NCKAP5: variants seen among roughly 807,000 people sequenced by gnomAD.
NCKAP5 encodes NCK associated protein 5.
Under a neutral mutation model 167.0 loss-of-function variants are expected in NCKAP5, and 92 were observed. The observed-to-expected ratio is 0.55, with a 90% CI of 0.47 to 0.66. The LOEUF is 0.66. Ranked by LOEUF, NCKAP5 falls within the 30% of genes least tolerant of loss-of-function variation. The pLI, the probability that NCKAP5 is intolerant of heterozygous loss-of-function variation, is 0.00. For missense variants in NCKAP5, 2,378 were observed against 2,315.0 expected (o/e 1.03, Z -0.56); for synonymous variants, 891 against 877.4 (o/e 1.02, Z -0.27).
At chr2:132,948,443 G>GCA (rs949279654) in intron 8 of NCKAP5, among the ~76,000 whole-genome samples, 1 of 152,160 alleles carries the variant, frequency 6.6e-6, no homozygotes, top group Non-Finnish European at 1.5e-5. Context: ...ACTCCCTGAA[G>GCA]CACAGCCTGC....
the NCKAP5 span, among the ~76,000 whole-genome samples, chr2:133,623,339 G>A: frequency 7.2e-5 from 11 of 152,236 alleles, no homozygotes; most frequent in South Asian, 2.1e-3. Context: ...CACAGCAAAA[G>A]AAATAATGAG....
At chr2:132,928,197 T>C (rs1696068188) in intron 8 of NCKAP5, among the ~76,000 whole-genome samples, 1 of 152,232 alleles carries the variant, frequency 6.6e-6, no homozygotes. Context: ...TGTGCCTCAG[T>C]ATCTCCACCT....
intron 5 of NCKAP5, among the ~76,000 whole-genome samples, chr2:133,209,669 A>G (rs2086118733): frequency 6.6e-6 from 1 of 152,046 alleles, no homozygotes; most frequent in Non-Finnish European, 1.5e-5. Flanking sequence ...CCCAGATCAG[A>G]AAAGGAACAT....
At chr2:132,860,908 C>G (rs1036032291) in intron 10 of NCKAP5, among the ~76,000 whole-genome samples, 7 of 152,072 alleles carry the variant, frequency 4.6e-5, no homozygotes, top group Admixed American at 1.3e-4. Flanking sequence ...TAAGTTTCCG[C>G]CTATATATTT....
chr2:133,142,410 G>A (rs781064908), intron 5 of NCKAP5, among the ~76,000 whole-genome samples: 11 of 152,154 alleles, frequency 7.2e-5, no homozygotes, highest in Admixed American at 1.3e-4. Context: ...GTATAGAAAA[G>A]CTCACAGAAG....
chr2:133,432,430 T>A (rs1400183589), intron 3 of NCKAP5, among the ~76,000 whole-genome samples: 1 of 152,190 alleles, frequency 6.6e-6, no homozygotes, highest in East Asian at 1.9e-4. Context: ...TGAAGTGCTT[T>A]GAGAACCCCT....
In NCKAP5 at chr2:132,868,954, T is replaced by C. The variant is rs373650440; in HGVS notation, c.669A>G (p.Gln223=). 1.3e-6 allele frequency: 2 copies of C among 1,547,848 alleles called. No homozygotes were observed. Among genetic ancestry groups the C allele is most frequent in the African/African-American group, 1.4e-5 (1 of 73,066 alleles). Reference sequence around the variant, plus strand: ...GACCTACCTTTTGAGTAAGCAGAGCTTGAACAACTTGGTTGGCTACCTTTA... The same window carrying C: ...GACCTACCTTTTGAGTAAGCAGAGCCTGAACAACTTGGTTGGCTACCTTTA... ...CLDEVANQVV[Q]ALLTQKDLRE... Residue 223 remains glutamine (Q), a synonymous_variant, in exon 10 of 20, where the codon CAA becomes CAG. Transcript: ENST00000409261.
intron 4 of NCKAP5, among the ~76,000 whole-genome samples, chr2:133,290,312 G>C (rs1679486264): frequency 6.6e-6 from 1 of 151,898 alleles, no homozygotes; most frequent in African/African-American, 2.4e-5. Context: ...ATCTAAAATT[G>C]CCTCTTCATT....
chr2:132,748,855 T>C (rs112880236), intron 16 of NCKAP5, among the ~76,000 whole-genome samples: 2 of 151,712 alleles, frequency 1.3e-5, no homozygotes, highest in African/African-American at 4.9e-5. Context: ...GTGATCTTGG[T>C]TCACTGCAAC....
chr2:133,436,428 A>G (rs1690484297), intron 3 of NCKAP5, among the ~76,000 whole-genome samples: 1 of 152,190 alleles, frequency 6.6e-6, no homozygotes, highest in Non-Finnish European at 1.5e-5. Flanking sequence ...TGGCCACACC[A>G]TAAAGAAGCA....
intron 5 of NCKAP5, among the ~76,000 whole-genome samples, chr2:133,145,569 A>G (rs1305753344): frequency 6.6e-6 from 1 of 152,088 alleles, no homozygotes; most frequent in Non-Finnish European, 1.5e-5. Flanking sequence ...ACCTCCCAAT[A>G]TATGAGCTGG....
At chr2:133,475,753 C>T (rs561943293) in intron 3 of NCKAP5, among the ~76,000 whole-genome samples, 2 of 152,288 alleles carry the variant, frequency 1.3e-5, no homozygotes, top group South Asian at 2.1e-4. Flanking sequence ...GGATTTAGAT[C>T]AAGCAGCATT....
intron 6 of NCKAP5, among the ~76,000 whole-genome samples, chr2:133,110,938 CCTCACAT>C (rs547291522): frequency 1.3e-5 from 2 of 152,156 alleles, no homozygotes; most frequent in Non-Finnish European, 2.9e-5. Context: ...CTCCCTGGGT[CCTCACAT>C]GGCCTCTCAT....
At chr2:133,644,941 A>G in the NCKAP5 span, among the ~76,000 whole-genome samples, 1 of 152,236 alleles carries the variant, frequency 6.6e-6, no homozygotes, top group African/African-American at 2.4e-5. Context: ...CACAAAAAAA[A>G]TGAGAAATCT....
At chr2:133,206,332 C>T (rs991874071) in intron 5 of NCKAP5, among the ~76,000 whole-genome samples, 9 of 152,256 alleles carry the variant, frequency 5.9e-5, no homozygotes, top group Admixed American at 4.6e-4. Context: ...GGCAGAAGAA[C>T]ATAAATTGTG....
At chr2:133,097,349 G>A (rs1490839919) in intron 6 of NCKAP5, among the ~76,000 whole-genome samples, 1 of 152,138 alleles carries the variant, frequency 6.6e-6, no homozygotes, top group African/African-American at 2.4e-5. Flanking sequence ...AGCTTTACAG[G>A]TATCCTGAGT....
chr2:132,794,223 CATATATATAT>C lies in NCKAP5; in HGVS notation c.909+2395_909+2404del, dbSNP rs1166750939. 6.7e-3 allele frequency among the ~76,000 whole-genome samples: 141 copies of C among 21,142 alleles called. 3 individuals carry two copies. The highest frequency in any genetic ancestry group is 0.1 in the Middle Eastern group (1 of 10). 13.9% of individuals were successfully genotyped at this position (21,142 alleles called of 152,430 possible). On this transcript the variant is annotated intron_variant, in intron 12 of 19. Transcript: ENST00000409261. ...GCTACTATTATTAAAAATGTTTATA[CATATATATAT>C]ATATATATATATATATATATATATA...
rs111869032 is a variant in NCKAP5, at chr2:133,199,577, A to G, written c.207+14139T>C. On this transcript the variant is annotated intron_variant, in intron 5 of 19. Coordinates refer to ENST00000409261, the MANE Select transcript of NCKAP5 (RefSeq NM_207363.3). Reference sequence around the variant, plus strand: ...AATAAAACTGACTATTTCAAATGTTAACAACAATATCAATCAACCAAATCT... The same window carrying G: ...AATAAAACTGACTATTTCAAATGTTGACAACAATATCAATCAACCAAATCT... Among the ~76,000 whole-genome samples the G allele has an allele frequency of 1.6e-3, 238 of 152,184 alleles. 1 individual carries two copies. Among genetic ancestry groups the G allele is most frequent in the African/African-American group, 5.5e-3 (230 of 41,578 alleles).
chr2:132,862,641 T>A (rs563473264), intron 10 of NCKAP5, among the ~76,000 whole-genome samples: 3 of 151,648 alleles, frequency 2.0e-5, no homozygotes, highest in Non-Finnish European at 4.4e-5. Context: ...ACGCCTGTAG[T>A]CCCAGCTACT....
Sources: allele counts gnomAD v4.1 joint callset (sites outside exome capture counted in the v4.1 genomes callset), GRCh38; gene constraint gnomAD v4.1.1; transcripts MANE v1.5; gene names NCBI Gene and HGNC (gene_info 2026-07-23, HGNC 2026-07-21).